The following CLNK variants were observed in gnomAD, a reference collection of about 807,000 sequenced individuals.
The protein encoded by CLNK is cytokine dependent hematopoietic cell linker.
A neutral mutation model predicts 68.6 loss-of-function variants in CLNK; 74 were observed. That is an observed-to-expected ratio of 1.08 (90% CI 0.89 to 1.31). CLNK has a LOEUF of 1.31. Among genes scored for constraint, CLNK ranks in the 50% most tolerant of loss-of-function variants. CLNK has a pLI of 0.00. For synonymous variants in CLNK, 198 were observed against 172.2 expected (o/e 1.15, Z -1.17); for missense variants, 553 against 515.3 (o/e 1.07, Z -0.71).
chr4:10,591,607 C>A (rs746433012), intron 3 of CLNK, among the ~76,000 whole-genome samples: 1 of 152,236 alleles, frequency 6.6e-6, no homozygotes, highest in East Asian at 1.9e-4. Context: ...AGATACACTG[C>A]AGATCATGTC....
chr4:10,576,938 A>C (rs555707307), intron 4 of CLNK, among the ~76,000 whole-genome samples: 1 of 152,334 alleles, frequency 6.6e-6, no homozygotes, highest in Admixed American at 6.5e-5. Context: ...CGGTGCCTTC[A>C]TCTATGCCCC....
chr4:10,629,927 G>A (rs530074448), intron 2 of CLNK, among the ~76,000 whole-genome samples: 13 of 152,002 alleles, frequency 8.6e-5, no homozygotes, highest in Non-Finnish European at 1.5e-4. Flanking sequence ...CTTTGAAAAC[G>A]AAAATTTCTT....
intron 8 of CLNK, among the ~76,000 whole-genome samples, chr4:10,550,938 A>T (rs569780385): frequency 6.6e-6 from 1 of 152,228 alleles, no homozygotes; most frequent in Non-Finnish European, 1.5e-5. Flanking sequence ...GATTCCACGC[A>T]GCGAATCTGG....
intron 4 of CLNK, among the ~76,000 whole-genome samples, chr4:10,576,391 C>A (rs906825874): frequency 6.6e-6 from 1 of 152,166 alleles, no homozygotes. Context: ...CATCCATCAC[C>A]CACAGACACC....
the CLNK span, among the ~76,000 whole-genome samples, chr4:10,700,973 A>G: frequency 1.3e-5 from 2 of 152,204 alleles, no homozygotes; most frequent in Non-Finnish European, 2.9e-5. Flanking sequence ...GCAAATTGTT[A>G]CGACTAAATT....
the CLNK span, among the ~76,000 whole-genome samples, chr4:10,729,850 A>T: frequency 1.3e-5 from 2 of 152,262 alleles, no homozygotes; most frequent in African/African-American, 4.8e-5. Flanking sequence ...TGTTTAAGGT[A>T]TAATTCTTGC....
intron 4 of CLNK, among the ~76,000 whole-genome samples, chr4:10,582,613 C>T (rs1372514012): frequency 2.6e-5 from 4 of 151,948 alleles, no homozygotes; most frequent in African/African-American, 7.3e-5. Context: ...TATCAGCCTC[C>T]GAGAAGGTAT....
chr4:10,639,204 T>G (rs191198789), intron 2 of CLNK, among the ~76,000 whole-genome samples: 66 of 152,358 alleles, frequency 4.3e-4, no homozygotes, highest in Non-Finnish European at 7.9e-4. Flanking sequence ...TTTCTTGCAC[T>G]GCTGAGTAAG....
intron 1 of CLNK, among the ~76,000 whole-genome samples, chr4:10,669,521 T>C (rs1387799181): frequency 6.6e-6 from 1 of 152,158 alleles, no homozygotes; most frequent in African/African-American, 2.4e-5. Flanking sequence ...CCAGAGTGGC[T>C]TTGCACATTT....
At chr4:10,651,678 G>A (rs1478876208) in intron 2 of CLNK, among the ~76,000 whole-genome samples, 1 of 152,090 alleles carries the variant, frequency 6.6e-6, no homozygotes, top group Non-Finnish European at 1.5e-5. Flanking sequence ...AGTATTGACT[G>A]TTTGAAACAT....
chr4:10,696,486 G>A, the CLNK span, among the ~76,000 whole-genome samples: 5 of 152,238 alleles, frequency 3.3e-5, no homozygotes, highest in Middle Eastern at 3.4e-3. Flanking sequence ...CCAACCACAC[G>A]GCAGTCTAGG....
the CLNK span, among the ~76,000 whole-genome samples, chr4:10,696,865 T>G: frequency 6.6e-6 from 1 of 152,162 alleles, no homozygotes; most frequent in Non-Finnish European, 1.5e-5. Flanking sequence ...TCTCTCTGGA[T>G]CAATCAGGAT....
chr4:10,667,831 G>A, intron 2 of CLNK, 28 bp downstream of exon 2: 1 of 1,567,012 alleles, frequency 6.4e-7, no homozygotes, highest in African/African-American at 1.4e-5. Context: ...AAGGGAACTG[G>A]GGCTCACAGT....
rs1724464308 is a variant in CLNK, at chr4:10,667,829, T to G, written c.11+30A>C. ...CCTGTCCCCACCAAGAAAAGGGAACTGGGGCTCACAGTGATCCCACGGTAC... is the reference window on the plus strand; with the variant it reads ...CCTGTCCCCACCAAGAAAAGGGAACGGGGGCTCACAGTGATCCCACGGTAC... On this transcript the variant is annotated intron_variant, in intron 2 of 18. Coordinates refer to ENST00000226951, the MANE Select transcript of CLNK (RefSeq NM_052964.4). The G allele has an allele frequency of 3.2e-6, 5 of 1,564,810 alleles. No individual in the cohort carries two copies. In the Middle Eastern group the frequency reaches 5.1e-4, roughly 161 times the overall value.
rs189458339 is a variant in CLNK at position 10,607,207 on chromosome 4, G to A, written c.12-9158C>T. On this transcript the variant is annotated intron_variant, in intron 2 of 18. Coordinates refer to ENST00000226951, the MANE Select transcript of CLNK (RefSeq NM_052964.4). The stretch of plus-strand genomic sequence containing the variant: ...TGTGCTGATGGAGCTCACAAGAGTC[G>A]AGCAAGGCTTTGAGCTGGTTTCTGG... 1.8e-4 allele frequency among the ~76,000 whole-genome samples: 27 copies of A among 152,300 alleles called. No homozygotes were observed. The East Asian group carries it at 2.5e-3, about 14-fold the overall frequency.
intron 3 of CLNK, among the ~76,000 whole-genome samples, chr4:10,585,996 T>C (rs1247061459): frequency 2.0e-5 from 3 of 152,186 alleles, no homozygotes; most frequent in Admixed American, 6.5e-5. Flanking sequence ...CAGATCATCA[T>C]GCGTTGGTAG....
the CLNK span, among the ~76,000 whole-genome samples, chr4:10,699,387 G>A: frequency 2.0e-5 from 2 of 99,286 alleles, no homozygotes; most frequent in Non-Finnish European, 4.1e-5. Flanking sequence ...GTGAGGATTG[G>A]ATATAAAAAC....
chr4:10,570,649 TAA>T (rs1331754489), intron 5 of CLNK, among the ~76,000 whole-genome samples: 2 of 152,108 alleles, frequency 1.3e-5, no homozygotes, highest in Non-Finnish European at 2.9e-5. Flanking sequence ...CCTCAAACAG[TAA>T]AGAGTCAATG....
chr4:10,706,513 A>G, the CLNK span, among the ~76,000 whole-genome samples: 1 of 152,182 alleles, frequency 6.6e-6, no homozygotes, highest in African/African-American at 2.4e-5. Context: ...TCCTGAGGCA[A>G]TCTCTGAAGA....
Sources: gnomAD v4.1 joint callset for allele counts (sites outside exome capture counted in the v4.1 genomes callset) on GRCh38, gnomAD v4.1.1 for gene constraint, MANE v1.5 for transcripts, NCBI Gene and HGNC (gene_info 2026-07-23, HGNC 2026-07-21) for gene names.